Variants in KCTD16 observed in about 807,000 individuals in gnomAD.
The protein encoded by KCTD16 is BTB/POZ domain-containing protein KCTD16.
A neutral mutation model predicts 33.2 loss-of-function variants in KCTD16; 13 were observed. The ratio of observed to expected loss-of-function variants is 0.39; its 90% CI spans 0.25 to 0.62. KCTD16 has a LOEUF of 0.62. Among genes scored for constraint, KCTD16 ranks in the 20% least tolerant of loss-of-function variants. The pLI is 0.50. For synonymous variants in KCTD16, 197 were observed against 195.3 expected, an observed-to-expected ratio of 1.01 and a Z score of -0.07; for missense variants, 441 against 525.1, an observed-to-expected ratio of 0.84 and a Z score of 1.57.
At chr5:144,363,292 A>G (rs548755765) in intron 3 of KCTD16, among the ~76,000 whole-genome samples, 3 of 152,284 alleles carry the variant, frequency 2.0e-5, no homozygotes, top group African/African-American at 7.2e-5. Context: ...CAGTGAGCCA[A>G]GATCGCGCCA....
intron 3 of KCTD16, among the ~76,000 whole-genome samples, chr5:144,322,801 G>A (rs559496208): frequency 6.6e-6 from 1 of 152,002 alleles, no homozygotes; most frequent in South Asian, 2.1e-4. Context: ...TGCTGTGCAT[G>A]CATTCTCTCA....
chr5:144,325,955 A>C (rs1038806190), intron 3 of KCTD16, among the ~76,000 whole-genome samples: 4 of 152,174 alleles, frequency 2.6e-5, no homozygotes, highest in South Asian at 2.1e-4. Context: ...ATATGTTACT[A>C]TGTATTCCAT....
intron 3 of KCTD16, among the ~76,000 whole-genome samples, chr5:144,271,105 C>T (rs989697760): frequency 6.6e-5 from 10 of 151,956 alleles, no homozygotes; most frequent in African/African-American, 2.4e-4. Context: ...GAACAAACGC[C>T]AGTTCTTCTC....
At position 144,238,787 on chromosome 5, in the gene KCTD16, A is replaced by G. The variant is rs113853130; in HGVS notation, c.832+31241A>G. ...TTTGAGCTTTTTTGGCACATCCTTC[A>G]GCATCATTTTTTGAGCTATGCCCAT... is the stretch of plus-strand genomic sequence containing the variant. On this transcript the variant is annotated intron_variant, in intron 3 of 3. Coordinates refer to ENST00000512467, the MANE Select transcript of KCTD16 (RefSeq NM_020768.4). Among the ~76,000 whole-genome samples, 519 of 152,308 alleles carry G rather than the reference A, an allele frequency of 3.4e-3. 1 individual carries two copies. Among genetic ancestry groups the G allele is most frequent in the Non-Finnish European group, 4.7e-3 (317 of 68,016 alleles).
At chr5:144,315,618 C>T (rs1435113060) in intron 3 of KCTD16, among the ~76,000 whole-genome samples, 2 of 152,082 alleles carry the variant, frequency 1.3e-5, no homozygotes, top group African/African-American at 4.8e-5. Flanking sequence ...ATATATTTCT[C>T]ATAATAGTTC....
intron 3 of KCTD16, among the ~76,000 whole-genome samples, chr5:144,215,970 G>T (rs1753551353): frequency 6.6e-6 from 1 of 152,168 alleles, no homozygotes. Context: ...GTAACTATTT[G>T]CTTCATTCTG....
intron 3 of KCTD16, among the ~76,000 whole-genome samples, chr5:144,244,354 G>A (rs183866528): frequency 6.6e-6 from 1 of 152,250 alleles, no homozygotes; most frequent in African/African-American, 2.4e-5. Context: ...TACATAGGAA[G>A]CATTAAGAGC....
rs368957124 is a variant in KCTD16, at chr5:144,479,365, C to CAAAAAAAA, written c.*5260_*5267dup. Reference sequence around the variant, plus strand: ...CCAAACTGATGTGTAAGAATAAATGCAAAAAAAAAAAAAAAAGAAAAAGAA... The same window carrying CAAAAAAAA: ...CCAAACTGATGTGTAAGAATAAATGCAAAAAAAAAAAAAAAAAAAAAAAAGAAAAAGAA... On this transcript the variant is annotated 3_prime_UTR_variant, in exon 4 of 4. Transcript: ENST00000512467. The CAAAAAAAA allele has an allele frequency of 4.3e-5, 4 of 92,420 alleles. No homozygotes were observed. The highest frequency in any genetic ancestry group is 8.2e-5 in the Non-Finnish European group (4 of 48,934). The allele number at this position is 92,420 out of a possible 1,614,324, so 5.7% of individuals were successfully genotyped here. A position where few individuals can be genotyped will look rare whatever the true frequency, so the allele number is the denominator to read the frequency against.
At chr5:144,245,323 G>A (rs1468964165) in intron 3 of KCTD16, among the ~76,000 whole-genome samples, 1 of 152,154 alleles carries the variant, frequency 6.6e-6, no homozygotes, top group Non-Finnish European at 1.5e-5. Context: ...TATAATGAGG[G>A]AATAGAGGGT....
At chr5:144,388,181 G>A (rs1164019554) in intron 3 of KCTD16, among the ~76,000 whole-genome samples, 3 of 140,624 alleles carry the variant, frequency 2.1e-5, no homozygotes, top group Non-Finnish European at 3.0e-5. Context: ...CCGGGTTCAC[G>A]CCATTCTCCT....
intron 3 of KCTD16, among the ~76,000 whole-genome samples, chr5:144,440,572 C>T (rs1248639878): frequency 6.6e-6 from 1 of 151,576 alleles, no homozygotes; most frequent in Non-Finnish European, 1.5e-5. Flanking sequence ...CAACTCACAC[C>T]GGTAATCCCA....
At chr5:144,413,549 G>A (rs1752980162) in intron 3 of KCTD16, among the ~76,000 whole-genome samples, 3 of 152,178 alleles carry the variant, frequency 2.0e-5, no homozygotes. Flanking sequence ...TGTATCATCA[G>A]TTTGCTTTCA....
chr5:144,391,472 T>TTA (rs1752447443), intron 3 of KCTD16, among the ~76,000 whole-genome samples: 1 of 152,216 alleles, frequency 6.6e-6, no homozygotes, highest in Non-Finnish European at 1.5e-5. Context: ...TTTCCTTTCA[T>TTA]TAACACTGTC....
chr5:144,455,350 TC>T (rs1754037396), intron 3 of KCTD16, among the ~76,000 whole-genome samples: 1 of 152,072 alleles, frequency 6.6e-6, no homozygotes, highest in South Asian at 2.1e-4. Context: ...GTATCCAGCA[TC>T]ATATGACGAA....
At chr5:144,270,706 A>G (rs1755270146) in intron 3 of KCTD16, among the ~76,000 whole-genome samples, 1 of 151,806 alleles carries the variant, frequency 6.6e-6, no homozygotes, top group South Asian at 2.1e-4. Context: ...GATAAAATAG[A>G]AAATGGAGAA....
intron 3 of KCTD16, among the ~76,000 whole-genome samples, chr5:144,416,924 TCATCTAC>T (rs1225742902): frequency 6.6e-6 from 1 of 152,190 alleles, no homozygotes; most frequent in Non-Finnish European, 1.5e-5. Context: ...TTTGGAAGGC[TCATCTAC>T]CATCTAGCAT....
chr5:144,202,121 G>C (rs1753056246), intron 2 of KCTD16, among the ~76,000 whole-genome samples: 1 of 152,182 alleles, frequency 6.6e-6, no homozygotes, highest in Non-Finnish European at 1.5e-5. Flanking sequence ...CAAAGAACAG[G>C]ATGGAGCATT....
intron 3 of KCTD16, among the ~76,000 whole-genome samples, chr5:144,319,836 A>C (rs180956391): frequency 8.6e-4 from 131 of 152,194 alleles, no homozygotes; most frequent in African/African-American, 3.1e-3. Context: ...GCTTGTGAAA[A>C]CTTTGACCGT....
intron 3 of KCTD16, among the ~76,000 whole-genome samples, chr5:144,211,707 T>A (rs1333567505): frequency 1.3e-5 from 2 of 152,138 alleles, no homozygotes; most frequent in African/African-American, 4.8e-5. Flanking sequence ...CAACCTGTAA[T>A]AATTTCAATT....
Sources: allele counts gnomAD v4.1 joint callset (sites outside exome capture counted in the v4.1 genomes callset), GRCh38; gene constraint gnomAD v4.1.1; transcripts MANE v1.5; gene names NCBI Gene and HGNC (gene_info 2026-07-23, HGNC 2026-07-21).